The following AUTS2 variants were observed in gnomAD, a reference collection of about 807,000 sequenced individuals.
AUTS2 encodes activator of transcription and developmental regulator AUTS2, also known as autism susceptibility gene 2 protein.
Under a neutral mutation model 112.4 loss-of-function variants are expected in AUTS2, and 17 were observed. The ratio of observed to expected loss-of-function variants is 0.15; its 90% CI spans 0.10 to 0.23. The LOEUF is 0.23. AUTS2 is among the 10% of genes least tolerant of loss of function. AUTS2 has a pLI of 1.00. For synonymous variants in AUTS2, 751 were observed against 702.7 expected (o/e 1.07, Z -1.09); for missense variants, 1,510 against 1,701.6 (o/e 0.89, Z 1.98).
chr7:69,718,139 T>A (rs1798717838), intron 1 of AUTS2, among the ~76,000 whole-genome samples: 1 of 152,222 alleles, frequency 6.6e-6, no homozygotes, highest in Non-Finnish European at 1.5e-5. Flanking sequence ...AATACAAAGA[T>A]TATCATTGAT....
intron 5 of AUTS2, among the ~76,000 whole-genome samples, chr7:70,693,829 C>G (rs953571995): frequency 6.6e-6 from 1 of 152,190 alleles, no homozygotes; most frequent in South Asian, 2.1e-4. Context: ...CAGTTTCCGC[C>G]GCGCCCGCCC....
At chr7:70,667,317 T>A (rs1807401605) in intron 5 of AUTS2, among the ~76,000 whole-genome samples, 1 of 152,218 alleles carries the variant, frequency 6.6e-6, no homozygotes, top group Non-Finnish European at 1.5e-5. Context: ...TCTCCCATCA[T>A]CAGCAGATGA....
chr7:70,776,638 G>C (rs1790711945), intron 13 of AUTS2: 1 of 166,840 alleles, frequency 6.0e-6, no homozygotes, highest in Non-Finnish European at 1.3e-5. Context: ...CCACGGTCTT[G>C]GGGGAGGTTA....
intron 5 of AUTS2, among the ~76,000 whole-genome samples, chr7:70,543,331 G>A (rs766710144): frequency 2.0e-5 from 3 of 151,902 alleles, no homozygotes; most frequent in Non-Finnish European, 2.9e-5. Flanking sequence ...GTGAAACCTC[G>A]TCTCTACTAA....
chr7:70,010,201 A>G (rs1411750017), intron 2 of AUTS2, among the ~76,000 whole-genome samples: 1 of 152,088 alleles, frequency 6.6e-6, no homozygotes, highest in Non-Finnish European at 1.5e-5. Flanking sequence ...ACTGGAGTGC[A>G]GTAGTGTGGT....
chr7:70,598,058 A>G (rs552998973), intron 5 of AUTS2, among the ~76,000 whole-genome samples: 8 of 152,342 alleles, frequency 5.3e-5, no homozygotes, highest in African/African-American at 1.9e-4. Flanking sequence ...GAGCTTATTC[A>G]TAAATCCGCT....
intron 2 of AUTS2, among the ~76,000 whole-genome samples, chr7:69,997,335 G>T (rs893993749): frequency 1.3e-5 from 2 of 152,074 alleles, no homozygotes; most frequent in African/African-American, 4.8e-5. Flanking sequence ...ACCTTTTCAC[G>T]TGATGGTCAC....
chr7:70,473,147 G>A (rs558418596), intron 5 of AUTS2, among the ~76,000 whole-genome samples: 1 of 152,294 alleles, frequency 6.6e-6, no homozygotes, highest in African/African-American at 2.4e-5. Context: ...GGAAGGACGG[G>A]GGAGGGGAGC....
chr7:70,496,473 A>G (rs1202575658), intron 5 of AUTS2, among the ~76,000 whole-genome samples: 15 of 132,584 alleles, frequency 1.1e-4, no homozygotes, highest in East Asian at 2.4e-4. Flanking sequence ...AGTCACACAC[A>G]CACACACCCC....
At chr7:69,882,335 T>A (rs1794092526) in intron 1 of AUTS2, among the ~76,000 whole-genome samples, 4 of 151,892 alleles carry the variant, frequency 2.6e-5, no homozygotes, top group Admixed American at 2.6e-4. Context: ...AATAATTTTT[T>A]TAAAAAGTGA....
At chr7:69,713,774 A>G (rs1798448421) in intron 1 of AUTS2, among the ~76,000 whole-genome samples, 1 of 152,040 alleles carries the variant, frequency 6.6e-6, no homozygotes, top group Non-Finnish European at 1.5e-5. Context: ...AGAGTTCTTT[A>G]CGTGTTCTTA....
chr7:69,879,645 A>G (rs1361066078), intron 1 of AUTS2, among the ~76,000 whole-genome samples: 2 of 152,220 alleles, frequency 1.3e-5, no homozygotes, highest in Admixed American at 1.3e-4. Flanking sequence ...CAAAAATCCT[A>G]TGAGGTAAAT....
intron 4 of AUTS2, among the ~76,000 whole-genome samples, chr7:70,257,899 C>T (rs1024916118): frequency 6.6e-6 from 1 of 152,266 alleles, no homozygotes; most frequent in South Asian, 2.1e-4. Context: ...AGAGGTTTCC[C>T]ACTCATCCCC....
chr7:69,909,076 A>T (rs922918462), intron 2 of AUTS2, among the ~76,000 whole-genome samples: 2 of 152,224 alleles, frequency 1.3e-5, no homozygotes, highest in Non-Finnish European at 2.9e-5. Flanking sequence ...TCAATTAAAA[A>T]TTGCAATATT....
intron 4 of AUTS2, among the ~76,000 whole-genome samples, chr7:70,373,124 CTT>C (rs879507389): frequency 6.4e-5 from 9 of 140,614 alleles, no homozygotes; most frequent in Admixed American, 1.4e-4. Context: ...TCAAGACAAG[CTT>C]TTTTTTTTTT....
intron 5 of AUTS2, among the ~76,000 whole-genome samples, chr7:70,624,520 A>G (rs1366509476): frequency 6.6e-6 from 1 of 152,204 alleles, no homozygotes; most frequent in Non-Finnish European, 1.5e-5. Context: ...TTTTATTTTC[A>G]GGTCCCCACA....
intron 2 of AUTS2, among the ~76,000 whole-genome samples, chr7:69,942,288 G>A (rs1796656096): frequency 6.6e-6 from 1 of 152,088 alleles, no homozygotes; most frequent in Non-Finnish European, 1.5e-5. Flanking sequence ...TAAATCTTAG[G>A]AGGATAAATG....
chr7:69,740,113 C>G (rs1036879171), intron 1 of AUTS2, among the ~76,000 whole-genome samples: 2 of 152,192 alleles, frequency 1.3e-5, no homozygotes, highest in Non-Finnish European at 2.9e-5. Flanking sequence ...CTAGCTGCCT[C>G]TTTGGCCCTG....
chr7:70,102,276 G>A (rs930419448), intron 2 of AUTS2, among the ~76,000 whole-genome samples: 1 of 151,172 alleles, frequency 6.6e-6, no homozygotes, highest in Non-Finnish European at 1.5e-5. Context: ...CTGCCACCAC[G>A]CCCAGCTAAT....
Sources: gnomAD v4.1 joint callset for allele counts (sites outside exome capture counted in the v4.1 genomes callset) on GRCh38, gnomAD v4.1.1 for gene constraint, MANE v1.5 for transcripts, NCBI Gene and HGNC (gene_info 2026-07-23, HGNC 2026-07-21) for gene names.